The following SPATA6 variants were observed in gnomAD, a reference collection of about 807,000 sequenced individuals.
SPATA6 encodes spermatogenesis associated 6, also known as spermatogenesis-associated protein 6.
In SPATA6, 56 loss-of-function variants were observed where a neutral mutation model predicts 65.3. The ratio of observed to expected loss-of-function variants is 0.86; its 90% CI spans 0.69 to 1.07. The LOEUF (loss-of-function observed/expected upper bound fraction) is 1.07, where lower values mean the gene tolerates loss of function less well. Among genes scored for constraint, SPATA6 ranks in the 50% least tolerant of loss-of-function variants. SPATA6 has a pLI of 0.00. For synonymous variants in SPATA6, 199 were observed against 213.2 expected (o/e 0.93, Z 0.58); for missense variants, 590 against 594.8 (o/e 0.99, Z 0.08).
chr1:48,455,944 T>C (rs531897619), intron 1 of SPATA6, among the ~76,000 whole-genome samples: 2 of 152,154 alleles, frequency 1.3e-5, no homozygotes, highest in Admixed American at 1.3e-4. Context: ...AGAAATCAGA[T>C]GGGACAAACA....
intron 11 of SPATA6, among the ~76,000 whole-genome samples, chr1:48,353,961 G>GA (rs971789549): frequency 2.6e-5 from 4 of 151,326 alleles, no homozygotes; most frequent in South Asian, 2.1e-4. Context: ...GCACAGAGTG[G>GA]AAAAAAAATT....
At chr1:48,429,326 G>A (rs1276223918) in intron 3 of SPATA6, among the ~76,000 whole-genome samples, 1 of 151,926 alleles carries the variant, frequency 6.6e-6, no homozygotes, top group Non-Finnish European at 1.5e-5. Context: ...TAAAGAATAA[G>A]ACATTGAAAA....
At chr1:48,302,504 C>T (rs1644964135) in intron 12 of SPATA6, among the ~76,000 whole-genome samples, 1 of 152,184 alleles carries the variant, frequency 6.6e-6, no homozygotes, top group South Asian at 2.1e-4. Context: ...AGGGGCTACC[C>T]CGGAGTTAAC....
At chr1:48,457,993 T>C (rs989122311) in intron 1 of SPATA6, among the ~76,000 whole-genome samples, 19 of 148,254 alleles carry the variant, frequency 1.3e-4, no homozygotes, top group African/African-American at 4.0e-4. Context: ...GGAGGGAGAA[T>C]AGAACAAAAT....
At chr1:48,327,724 A>C (rs1391433940) in intron 11 of SPATA6, among the ~76,000 whole-genome samples, 1 of 152,190 alleles carries the variant, frequency 6.6e-6, no homozygotes, top group Non-Finnish European at 1.5e-5. Flanking sequence ...ACATAAAATC[A>C]AATACTGCAT....
chr1:48,360,819 T>C (rs1646791068), intron 9 of SPATA6, among the ~76,000 whole-genome samples: 1 of 152,016 alleles, frequency 6.6e-6, no homozygotes, highest in African/African-American at 2.4e-5. Context: ...ATGACTGCAA[T>C]GGAGGTGAGA....
At chr1:48,325,640 T>G in intron 11 of SPATA6, 1 of 684,686 alleles carries the variant, frequency 1.5e-6, no homozygotes, top group Non-Finnish European at 2.7e-6. Context: ...GTTATCAAGC[T>G]TAGTTTCCTC....
At chr1:48,332,585 T>TA (rs1557575440) in intron 11 of SPATA6, among the ~76,000 whole-genome samples, 1 of 152,220 alleles carries the variant, frequency 6.6e-6, no homozygotes, top group East Asian at 1.9e-4. Flanking sequence ...AGCAAATACT[T>TA]ACAGACCTTC....
intron 1 of SPATA6, among the ~76,000 whole-genome samples, chr1:48,454,086 T>A (rs763900441): frequency 3.3e-5 from 5 of 150,934 alleles, no homozygotes; most frequent in Non-Finnish European, 7.4e-5. Context: ...CATATTAAAT[T>A]GCACTTAACT....
chr1:48,438,781 T>C (rs1031925301), intron 3 of SPATA6, among the ~76,000 whole-genome samples: 16 of 152,182 alleles, frequency 1.1e-4, no homozygotes, highest in Non-Finnish European at 4.4e-5. Flanking sequence ...TAGTTTCTCC[T>C]ATAAGAGTGA....
chr1:48,281,981 C>T, the SPATA6 span, among the ~76,000 whole-genome samples: 2 of 152,164 alleles, frequency 1.3e-5, no homozygotes, highest in Admixed American at 6.5e-5. Context: ...GGTACCAAAA[C>T]AGAGATATAT....
intron 11 of SPATA6, among the ~76,000 whole-genome samples, chr1:48,312,352 C>G (rs1357929784): frequency 6.6e-6 from 1 of 152,134 alleles, no homozygotes; most frequent in Non-Finnish European, 1.5e-5. Flanking sequence ...GACAAAACTT[C>G]CAGAGGAAAG....
the SPATA6 span, among the ~76,000 whole-genome samples, chr1:48,289,166 C>G: frequency 6.6e-6 from 1 of 152,232 alleles, no homozygotes; most frequent in African/African-American, 2.4e-5. Flanking sequence ...AATGATCAGA[C>G]AGCAACATTT....
At chr1:48,432,174 C>T (rs1239570619) in intron 3 of SPATA6, among the ~76,000 whole-genome samples, 1 of 151,874 alleles carries the variant, frequency 6.6e-6, no homozygotes, top group East Asian at 1.9e-4. Flanking sequence ...AATTTAAGGA[C>T]CTAGAAAAGC....
intron 11 of SPATA6, among the ~76,000 whole-genome samples, chr1:48,341,697 T>C (rs1646220147): frequency 6.6e-6 from 1 of 152,198 alleles, no homozygotes; most frequent in African/African-American, 2.4e-5. Flanking sequence ...TGGTAAGAAC[T>C]AATCTTCTAT....
At chr1:48,319,610 G>A (rs1049848721) in intron 11 of SPATA6, among the ~76,000 whole-genome samples, 4 of 152,154 alleles carry the variant, frequency 2.6e-5, no homozygotes, top group Non-Finnish European at 5.9e-5. Flanking sequence ...GCTAGGAAAG[G>A]TTCCCTAAAG....
At chr1:48,378,286 T>C (rs1174755508) in intron 9 of SPATA6, among the ~76,000 whole-genome samples, 1 of 152,148 alleles carries the variant, frequency 6.6e-6, no homozygotes, top group Non-Finnish European at 1.5e-5. Context: ...AATAGAAAAT[T>C]TAAGATGTCT....
chr1:48,364,001 T>C (rs1646909540), intron 9 of SPATA6, among the ~76,000 whole-genome samples: 1 of 152,004 alleles, frequency 6.6e-6, no homozygotes, highest in Non-Finnish European at 1.5e-5. Flanking sequence ...CCTTCCTGTG[T>C]CCATGTGCTC....
intron 3 of SPATA6, among the ~76,000 whole-genome samples, chr1:48,425,760 A>G (rs1261572024): frequency 6.6e-6 from 1 of 152,194 alleles, no homozygotes; most frequent in Non-Finnish European, 1.5e-5. Flanking sequence ...TAGAGATTAT[A>G]TATGAATAAA....
Sources: gnomAD v4.1 joint callset for allele counts (sites outside exome capture counted in the v4.1 genomes callset) on GRCh38, gnomAD v4.1.1 for gene constraint, MANE v1.5 for transcripts, NCBI Gene and HGNC (gene_info 2026-07-23, HGNC 2026-07-21) for gene names.